The following NELL1 variants were observed in gnomAD, a reference collection of about 807,000 sequenced individuals.
The protein encoded by NELL1 is protein kinase C-binding protein NELL1.
NELL1 carries 76 observed loss-of-function variants against 107.4 expected under a neutral mutation model. That is an observed-to-expected ratio of 0.71 (90% CI 0.59 to 0.86). NELL1 has a LOEUF of 0.86. Ranked by LOEUF, NELL1 falls within the 40% of genes least tolerant of loss-of-function variation. The pLI is 0.00. For missense variants in NELL1, 1,024 were observed against 1,005.5 expected (o/e 1.02, Z -0.25); for synonymous variants, 353 against 341.2 (o/e 1.03, Z -0.38).
At position 21,138,641 on chromosome 11, in the gene NELL1, C is replaced by T. The variant is rs1174084626; in HGVS notation, c.1426+24927C>T. 2.0e-5 allele frequency among the ~76,000 whole-genome samples: 3 copies of T among 152,204 alleles called. No homozygotes were observed. In the East Asian group the frequency reaches 5.8e-4, roughly 29 times the overall value. ...GATGTCAATAAACAAAGTATGAAAT[C>T]CAACTGTGAATAGGTGTGATTTATC... is the stretch of plus-strand genomic sequence containing the variant. On this transcript the variant is annotated intron_variant, in intron 13 of 19. Transcript: ENST00000357134.
Position 20,822,840 on chromosome 11 carries a change from G to A in NELL1, c.336-24743G>A, listed in dbSNP as rs115036577. On this transcript the variant is annotated intron_variant, in intron 3 of 19. Coordinates refer to ENST00000357134, the MANE Select transcript of NELL1 (RefSeq NM_006157.5). Reference sequence around the variant, plus strand: ...GATCATTGGAAGTCTTATGTGCTCAGCTTTGCTTAAAGACCTTGGTCTTGT... The same window carrying A: ...GATCATTGGAAGTCTTATGTGCTCAACTTTGCTTAAAGACCTTGGTCTTGT... 3.7e-3 allele frequency among the ~76,000 whole-genome samples: 562 copies of A among 152,298 alleles called. 2 individuals carry two copies. The highest frequency in any genetic ancestry group is 0.013 in the African/African-American group (544 of 41,566).
In NELL1 at chr11:20,713,708, T is replaced by G. The variant is rs139965067; in HGVS notation, c.184+35648T>G. Among the ~76,000 whole-genome samples the G allele has an allele frequency of 9.3e-3, 1,409 of 152,272 alleles. 23 individuals carry two copies. The highest frequency in any genetic ancestry group is 0.035 in the Admixed American group (543 of 15,296). ...TGTGTCCAGTTGAAATTATTACAGA[T>G]TTCATTTGGAAGCTTGGTTCACCTT... is the stretch of plus-strand genomic sequence containing the variant. On this transcript the variant is annotated intron_variant, in intron 2 of 19. Coordinates refer to ENST00000357134, the MANE Select transcript of NELL1 (RefSeq NM_006157.5).
rs368167297 is a variant in NELL1 at position 21,336,672 on chromosome 11, T to TACACACACAC, written c.1550-34180_1550-34179insCACACACACA. On this transcript the variant is annotated intron_variant, in intron 14 of 19. Coordinates refer to ENST00000357134, the MANE Select transcript of NELL1 (RefSeq NM_006157.5). ...GTGTGTATATATATATATATATATA[T>TACACACACAC]ATACACACACACACACACATTAAAC... is the stretch of plus-strand genomic sequence containing the variant. Among the ~76,000 whole-genome samples, 64 of 106,280 alleles carry TACACACACAC rather than the reference T, an allele frequency of 6.0e-4. 1 individual carries two copies. The highest frequency in any genetic ancestry group is 5.4e-3 in the Middle Eastern group (1 of 184). 69.7% of individuals were successfully genotyped at this position (106,280 alleles called of 152,430 possible).
At chr11:20,682,163 AATG>A (rs905332294) in intron 2 of NELL1, among the ~76,000 whole-genome samples, 6 of 152,192 alleles carry the variant, frequency 3.9e-5, no homozygotes, top group Admixed American at 3.9e-4. Context: ...ATATGAACAT[AATG>A]ATGTTTCCTG....
intron 15 of NELL1, among the ~76,000 whole-genome samples, chr11:21,412,786 C>T (rs1455055619): frequency 1.3e-5 from 2 of 152,038 alleles, no homozygotes; most frequent in Non-Finnish European, 2.9e-5. Context: ...TAACTCCTGG[C>T]CTGGGGAAGG....
Position 20,807,822 on chromosome 11 carries a change from TCCA to T in NELL1, c.335+24003_335+24005del, listed in dbSNP as rs925595913. Among the ~76,000 whole-genome samples the T allele has an allele frequency of 6.6e-4, 100 of 152,264 alleles. 1 individual carries two copies. The highest frequency in any genetic ancestry group is 2.3e-3 in the African/African-American group (94 of 41,562). ...CCAGGTGGAGGAATCTTTTCCTCTG[TCCA>T]CCACCACCACAGGCCCATGGAAGTA... On this transcript the variant is annotated intron_variant, in intron 3 of 19. Coordinates refer to ENST00000357134, the MANE Select transcript of NELL1 (RefSeq NM_006157.5).
Position 21,573,991 on chromosome 11 carries a change from G to A in NELL1, c.2382+582G>A, listed in dbSNP as rs529290185. Among the ~76,000 whole-genome samples the A allele has an allele frequency of 2.9e-4, 44 of 151,830 alleles. No individual in the cohort carries two copies. In the South Asian group the frequency reaches 6.9e-3, roughly 24 times the overall value. On this transcript the variant is annotated intron_variant, in intron 19 of 19. Transcript: ENST00000357134. Reference sequence around the variant, plus strand: ...TGATTATTTCCCTGTCTTTTTGGAGGGGTTTTCATGAGACATCCTCATGTG... The same window carrying A: ...TGATTATTTCCCTGTCTTTTTGGAGAGGTTTTCATGAGACATCCTCATGTG...
At chr11:20,936,943 C>T (rs1221598388) in intron 9 of NELL1, among the ~76,000 whole-genome samples, 1 of 152,138 alleles carries the variant, frequency 6.6e-6, no homozygotes, top group Non-Finnish European at 1.5e-5. Flanking sequence ...GCTTCTGTTC[C>T]TCCTAGAGCT....
intron 5 of NELL1, among the ~76,000 whole-genome samples, chr11:20,916,299 G>A (rs895645119): frequency 6.6e-6 from 1 of 151,872 alleles, no homozygotes; most frequent in African/African-American, 2.4e-5. Context: ...AGGGAAGTAA[G>A]GAGAGATGCC....
chr11:21,100,076 T>A (rs952440195), intron 12 of NELL1, among the ~76,000 whole-genome samples: 1 of 151,896 alleles, frequency 6.6e-6, no homozygotes, highest in Non-Finnish European at 1.5e-5. Flanking sequence ...GAGTACAATG[T>A]CACAGTCTTG....
At chr11:21,004,539 A>G (rs912339492) in intron 12 of NELL1, among the ~76,000 whole-genome samples, 1 of 152,116 alleles carries the variant, frequency 6.6e-6, no homozygotes, top group African/African-American at 2.4e-5. Context: ...ATCAGTCCAC[A>G]TGCCTTGGTC....
chr11:21,289,745 G>T (rs1485833465), intron 14 of NELL1, among the ~76,000 whole-genome samples: 1 of 152,194 alleles, frequency 6.6e-6, no homozygotes, highest in Non-Finnish European at 1.5e-5. Context: ...AGCCCAAGAA[G>T]CTAAGATCCA....
chr11:20,934,252 A>T (rs1850677273), intron 9 of NELL1, among the ~76,000 whole-genome samples: 1 of 152,218 alleles, frequency 6.6e-6, no homozygotes, highest in African/African-American at 2.4e-5. Flanking sequence ...TGTGACCTCC[A>T]GTGGTGATCC....
chr11:20,889,531 T>A (rs574786748), intron 5 of NELL1, among the ~76,000 whole-genome samples: 129 of 152,332 alleles, frequency 8.5e-4, no homozygotes, highest in Non-Finnish European at 1.6e-3. Context: ...AGCAAATGCA[T>A]GTTGACAGTA....
At chr11:20,868,261 G>A (rs978362284) in intron 4 of NELL1, among the ~76,000 whole-genome samples, 5 of 152,154 alleles carry the variant, frequency 3.3e-5, no homozygotes, top group South Asian at 2.1e-4. Context: ...ATATTCTCAC[G>A]TGCTAAGTGA....
At chr11:20,740,930 T>A (rs538518973) in intron 2 of NELL1, among the ~76,000 whole-genome samples, 42 of 152,198 alleles carry the variant, frequency 2.8e-4, no homozygotes, top group African/African-American at 9.9e-4. Context: ...CCAGCTCTAA[T>A]GTTTTATTTT....
chr11:20,865,441 G>GAGCTGAGTATCTTCT lies in NELL1; in HGVS notation c.506+17690_506+17704dup, dbSNP rs1184477155. 6.6e-4 allele frequency among the ~76,000 whole-genome samples: 100 copies of GAGCTGAGTATCTTCT among 152,302 alleles called. No homozygotes were observed. In the Middle Eastern group the frequency reaches 0.017, roughly 26 times the overall value. ...GGATGCTGGAAAAGCCTTGGAGTCTGAGCTGAGTATCTTCTATTGGCTTCT... is the reference window on the plus strand; with the variant it reads ...GGATGCTGGAAAAGCCTTGGAGTCTGAGCTGAGTATCTTCTAGCTGAGTATCTTCTATTGGCTTCT... On this transcript the variant is annotated intron_variant, in intron 4 of 19. Coordinates refer to ENST00000357134, the MANE Select transcript of NELL1 (RefSeq NM_006157.5).
At chr11:20,778,696 A>G (rs1257671513) in intron 2 of NELL1, among the ~76,000 whole-genome samples, 1 of 152,136 alleles carries the variant, frequency 6.6e-6, no homozygotes, top group Admixed American at 6.5e-5. Context: ...CGTTTTAAAA[A>G]TGTGAAATAT....
chr11:20,876,204 A>G (rs1849301430), intron 4 of NELL1, among the ~76,000 whole-genome samples: 1 of 152,128 alleles, frequency 6.6e-6, no homozygotes, highest in Non-Finnish European at 1.5e-5. Context: ...TTGGAATTCA[A>G]TCCTTACCTG....
Sources: gnomAD v4.1 joint callset for allele counts (sites outside exome capture counted in the v4.1 genomes callset) on GRCh38, gnomAD v4.1.1 for gene constraint, MANE v1.5 for transcripts, NCBI Gene and HGNC (gene_info 2026-07-23, HGNC 2026-07-21) for gene names.